RFPL4AL1: variants seen among roughly 807,000 people sequenced by gnomAD.
RFPL4AL1 encodes ret finger protein like 4A like 1.
A neutral mutation model predicts 8.2 loss-of-function variants in RFPL4AL1; 2 were observed. The observed-to-expected ratio is 0.24, with a 90% CI of 0.10 to 0.77. RFPL4AL1 has a LOEUF of 0.77. Ranked by LOEUF, RFPL4AL1 falls within the 30% of genes least tolerant of loss-of-function variation. RFPL4AL1 has a pLI of 0.72. For missense variants in RFPL4AL1, 57 were observed against 350.3 expected, an observed-to-expected ratio of 0.16 and a Z score of 6.68; for synonymous variants, 25 against 131.8, an observed-to-expected ratio of 0.19 and a Z score of 5.55.
At chr19:55,769,476 G>A (rs1398733636) in intron 1 of RFPL4AL1, among the ~76,000 whole-genome samples, 2 of 151,524 alleles carry the variant, frequency 1.3e-5, no homozygotes, top group South Asian at 2.1e-4. Context: ...TTTCCTATGG[G>A]TTTGGTATTG....
In RFPL4AL1 at chr19:55,770,427, A is replaced by G. The variant is rs367857576; in HGVS notation, c.-10+1252A>G. ...TCCAGAGCAAAAGCACACTGTTAGG[A>G]GAGAAGTGTGGGCGTGATTCTGAAA... On this transcript the variant is annotated intron_variant, in intron 1 of 2. Coordinates refer to ENST00000341750, the MANE Select transcript of RFPL4AL1 (RefSeq NM_001277397.2). 8.2e-4 allele frequency among the ~76,000 whole-genome samples: 125 copies of G among 152,014 alleles called. 3 individuals are homozygous for G. Among genetic ancestry groups the G allele is most frequent in the South Asian group, 5.2e-3 (25 of 4,814 alleles).
chr19:55,769,453 C>T (rs536604239), intron 1 of RFPL4AL1, among the ~76,000 whole-genome samples: 31 of 151,830 alleles, frequency 2.0e-4, no homozygotes, highest in African/African-American at 7.2e-4. Context: ...GGCTGCGTTA[C>T]TCAACGTCAG....
rs1989508653 is a variant in RFPL4AL1, at chr19:55,771,973, C to CA, written c.170dup (p.Lys58GlufsTer3). 6.5e-7 allele frequency: 1 copy of CA among 1,530,852 alleles called. No individual in the cohort carries two copies. The highest frequency in any genetic ancestry group is 1.4e-5 in the African/African-American group (1 of 71,154). 94.8% of individuals were successfully genotyped at this position (1,530,852 alleles called of 1,614,324 possible). ...GTGCCGTTTCTGCTCTGTGGTCTCT[C>CA]AGAAGGATGACATCAAGCCCAAGTA... On this transcript the variant is annotated frameshift_variant, in exon 2 of 3. Transcript: ENST00000341750. LOFTEE classifies it high-confidence loss of function.
Position 55,772,856 on chromosome 19 carries a change from T to G in RFPL4AL1, c.541T>G (p.Ser181Ala). 6.4e-7 allele frequency: 1 copy of G among 1,550,818 alleles called. No homozygotes were observed. The highest frequency in any genetic ancestry group is 8.7e-7 in the Non-Finnish European group (1 of 1,146,682). ...CAACCGACAGGGGAAGATTGAGCTT[T>G]CTTCAGAACACGGCTTCTTGACTGT... ...SVNRQGKIEL[S>A]SEHGFLTVGC... The change falls in exon 3 of 3, where the codon TCT (serine) becomes GCT (alanine). Residue 181 changes from serine (S) to alanine (A), a missense_variant. Physicochemically the swap from Ser to Ala is moderately conservative, Grantham distance 99. Transcript: ENST00000341750.
intron 1 of RFPL4AL1, among the ~76,000 whole-genome samples, chr19:55,771,083 TTTG>T (rs1174316959): frequency 1.3e-4 from 12 of 92,346 alleles, no homozygotes; most frequent in Admixed American, 5.6e-4. Context: ...AGTTCTGTTT[TTTG>T]TTTTTTTTTT....
At chr19:55,769,778 C>G (rs1304444059) in intron 1 of RFPL4AL1, among the ~76,000 whole-genome samples, 2 of 151,596 alleles carry the variant, frequency 1.3e-5, no homozygotes, top group Non-Finnish European at 2.9e-5. Flanking sequence ...GATCAGTCAA[C>G]TCAGATTCCA....
chr19:55,771,223 A>C (rs1207408777), intron 1 of RFPL4AL1, among the ~76,000 whole-genome samples: 2 of 151,212 alleles, frequency 1.3e-5, no homozygotes, highest in Non-Finnish European at 3.0e-5. Context: ...GGGAAGTAGA[A>C]GGTCTTCAAA....
At chr19:55,769,432 A>G (rs1453483616) in intron 1 of RFPL4AL1, among the ~76,000 whole-genome samples, 2 of 151,780 alleles carry the variant, frequency 1.3e-5, no homozygotes, top group Admixed American at 6.6e-5. Flanking sequence ...AATGATGGAC[A>G]GAGGTTCGGT....
chr19:55,772,467 C>A (rs1371194385), intron 2 of RFPL4AL1, 135 bp from the exon 3 acceptor site: 1 of 850,278 alleles, frequency 1.2e-6, no homozygotes, highest in African/African-American at 2.0e-5. Flanking sequence ...AACAAGTTTC[C>A]CCAGGAAATT....
At chr19:55,770,742 T>G (rs1989476215) in intron 1 of RFPL4AL1, among the ~76,000 whole-genome samples, 1 of 151,946 alleles carries the variant, frequency 6.6e-6, no homozygotes, top group Non-Finnish European at 1.5e-5. Context: ...TCCTTGTAAT[T>G]TTAATGACAA....
At chr19:55,771,180 C>G (rs1425419228) in intron 1 of RFPL4AL1, among the ~76,000 whole-genome samples, 1 of 144,772 alleles carries the variant, frequency 6.9e-6, no homozygotes, top group East Asian at 2.1e-4. Flanking sequence ...GGTGTGCTAT[C>G]AGGGTTTTCA....
chr19:55,769,749 C>G (rs943209307), intron 1 of RFPL4AL1, among the ~76,000 whole-genome samples: 13 of 151,688 alleles, frequency 8.6e-5, no homozygotes, highest in Admixed American at 7.9e-4. Flanking sequence ...AGTGCAGTGG[C>G]TATTTTCTGA....
chr19:55,771,212 GGGGAA>G (rs1989491710), intron 1 of RFPL4AL1, among the ~76,000 whole-genome samples: 1 of 150,612 alleles, frequency 6.6e-6, no homozygotes, highest in Non-Finnish European at 1.5e-5. Context: ...TTGCACAGTT[GGGGAA>G]GTAGAAGGTC....
At chr19:55,769,545 G>A (rs1230098185) in intron 1 of RFPL4AL1, among the ~76,000 whole-genome samples, 2 of 149,542 alleles carry the variant, frequency 1.3e-5, no homozygotes, top group Non-Finnish European at 3.0e-5. Flanking sequence ...CTTATTTTCT[G>A]ATTTTTTTTT....
At position 55,771,864 on chromosome 19, in the gene RFPL4AL1, A is replaced by T. The variant is rs1257818489; in HGVS notation, c.60A>T (p.Glu20Asp). ...RCPVCLKDLE[E>D]AVQLKCGYAC... ...CTGTCTGTCTAAAAGATCTTGAAGA[A>T]GCCGTGCAACTGAAATGTGGATATG... Residue 20 changes from glutamate (E) to aspartate (D), a missense_variant, in exon 2 of 3, where the codon GAA (glutamate) becomes GAT (aspartate). Glu to Asp is a conservative substitution (Grantham distance 45). Coordinates refer to ENST00000341750, the MANE Select transcript of RFPL4AL1 (RefSeq NM_001277397.2). 6.5e-7 allele frequency: 1 copy of T among 1,549,516 alleles called. No homozygotes were observed. The highest frequency in any genetic ancestry group is 1.4e-5 in the African/African-American group (1 of 72,950).
intron 1 of RFPL4AL1, among the ~76,000 whole-genome samples, chr19:55,770,063 A>C (rs530402627): frequency 1.4e-4 from 22 of 152,086 alleles, no homozygotes; most frequent in African/African-American, 5.3e-4. Flanking sequence ...GAAACACAGA[A>C]GTAGGGTTGC....
chr19:55,770,025 T>C (rs1191220249), intron 1 of RFPL4AL1, among the ~76,000 whole-genome samples: 1 of 152,004 alleles, frequency 6.6e-6, no homozygotes, highest in Non-Finnish European at 1.5e-5. Context: ...GATATCTCTT[T>C]GATATGCTGA....
Position 55,773,185 on chromosome 19 carries a change from C to T in RFPL4AL1, c.*6C>T, listed in dbSNP as rs201157032. ...TTTCTTCTGAGGGAAAGTAAATAAA[C>T]ATTTGAACATAATCATCTTTAGGAA... On this transcript the variant is annotated 3_prime_UTR_variant, in exon 3 of 3. Transcript: ENST00000341750. The T allele has an allele frequency of 1.6e-3, 2,436 of 1,476,512 alleles. 5 individuals are homozygous for T. The highest frequency in any genetic ancestry group is 7.7e-3 in the South Asian group (613 of 79,542). The allele number at this position is 1,476,512 out of a possible 1,614,324, so 91.5% of individuals were successfully genotyped here.
At chr19:55,769,709 G>A (rs550899958) in intron 1 of RFPL4AL1, among the ~76,000 whole-genome samples, 1 of 151,740 alleles carries the variant, frequency 6.6e-6, no homozygotes, top group East Asian at 1.9e-4. Context: ...ATTGTTTTGA[G>A]ACAGGGTCTC....
Sources: allele counts gnomAD v4.1 joint callset (sites outside exome capture counted in the v4.1 genomes callset), GRCh38; gene constraint gnomAD v4.1.1; transcripts MANE v1.5; gene names NCBI Gene and HGNC (gene_info 2026-07-23, HGNC 2026-07-21).